Variants in TMOD4 observed in about 807,000 individuals in gnomAD.
TMOD4 encodes tropomodulin 4.
In TMOD4, 34 loss-of-function variants were observed where a neutral mutation model predicts 45.4. The observed-to-expected ratio is 0.75, with a 90% CI of 0.57 to 1.00. The LOEUF (loss-of-function observed/expected upper bound fraction) is 1.00, where lower values mean the gene tolerates loss of function less well. Among genes scored for constraint, TMOD4 ranks in the 50% least tolerant of loss-of-function variants. The pLI is 0.00. For synonymous variants in TMOD4, 131 were observed against 153.9 expected, an observed-to-expected ratio of 0.85 and a Z score of 1.10; for missense variants, 399 against 437.5, an observed-to-expected ratio of 0.91 and a Z score of 0.78.
chr1:151,171,874 C>A, intron 5 of TMOD4, 111 bp from the exon 6 acceptor site: 5 of 1,374,772 alleles, frequency 3.6e-6, no homozygotes, highest in Non-Finnish European at 4.8e-6. Context: ...CTCGCTCTAT[C>A]CACCTAGGCT....
rs983533989 is a variant in TMOD4 at position 151,173,583 on chromosome 1, G to A, written c.313C>T (p.Pro105Ser). The change falls in exon 4 of 10, where the codon CCA becomes TCA. Residue 105 changes from proline to serine, a missense_variant. Physicochemically the swap from Pro to Ser is moderately conservative, Grantham distance 74. Transcript: ENST00000295314. Reference protein sequence around the residue: ...KPYIQPKREIPAEEQITLEPE... With the variant: ...KPYIQPKREISAEEQITLEPE... ...TCCAGGGTGATCTGCTCCTCTGCTGGGATTTCCCTCTTGGGCTGAATATAG... is the reference window on the plus strand; with the variant it reads ...TCCAGGGTGATCTGCTCCTCTGCTGAGATTTCCCTCTTGGGCTGAATATAG... 28 of 1,614,060 alleles carry A rather than the reference G, an allele frequency of 1.7e-5. No individual in the cohort carries two copies. The highest frequency in any genetic ancestry group is 2.3e-5 in the Non-Finnish European group (27 of 1,180,030).
intron 1 of TMOD4, chr1:151,175,191 AC>A (rs1259761702): frequency 6.4e-6 from 2 of 313,126 alleles, no homozygotes; most frequent in Non-Finnish European, 1.2e-5. Flanking sequence ...TCCTGGCAGC[AC>A]CCCTCCCCTA....
Position 151,170,053 on chromosome 1 carries a change from G to T in TMOD4, c.*28C>A. 6.2e-7 allele frequency: 1 copy of T among 1,613,946 alleles called. No individual in the cohort carries two copies. ...AGGATTTAAGTGTCCAGTGCTCCCA[G>T]CGCTAGTTGGTAAAGGGAAATGCAG... On this transcript the variant is annotated 3_prime_UTR_variant, in exon 10 of 10. Coordinates refer to ENST00000295314, the MANE Select transcript of TMOD4 (RefSeq NM_013353.3).
In TMOD4 at chr1:151,174,777, GCA is replaced by G; in HGVS notation, c.97_98del (p.Cys33ArgfsTer8). ...LSPEELEQLD[C>X]ELQEMDPENM... ...CCTCAGGATCCATCTCCTGTAGTTC[GCA>G]GTCCAGCTGCTCTAGCTCCTCGGGG... On this transcript the variant is annotated frameshift_variant, in exon 2 of 10. Transcript: ENST00000295314. LOFTEE classifies it high-confidence loss of function. 6.2e-7 allele frequency: 1 copy of G among 1,613,962 alleles called. No individual in the cohort carries two copies. The highest frequency in any genetic ancestry group is 8.5e-7 in the Non-Finnish European group (1 of 1,180,012).
rs758867636 is a variant in TMOD4 at position 151,170,623 on chromosome 1, G to C, written c.911C>G (p.Thr304Ser). The C allele has an allele frequency of 2.5e-6, 4 of 1,614,188 alleles. No homozygotes were observed. The Admixed American group carries it at 6.7e-5, about 27-fold the overall frequency. Residue 304 changes from threonine (T) to serine (S), a missense_variant, in exon 9 of 10, where the codon ACC becomes AGC. Transcript: ENST00000295314. ...PGDAVEMEMA[T>S]VLEQCPSIVR... ...AATAGAGGGACACTGCTCTAGCACG[G>C]TGGCCATCTCCATCTCCACTGCATC...
chr1:151,175,763 TA>T (rs1471066238), intron 1 of TMOD4, 160 bp downstream of exon 1: 1 of 152,272 alleles, frequency 6.6e-6, no homozygotes, highest in Non-Finnish European at 1.5e-5. Context: ...ATCGACAATG[TA>T]AACTATACAC....
At position 151,170,091 on chromosome 1, in the gene TMOD4, T is replaced by C; in HGVS notation, c.1028A>G (p.Lys343Arg). The C allele has an allele frequency of 3.1e-6, 5 of 1,614,206 alleles. No homozygotes were observed. Among genetic ancestry groups the C allele is most frequent in the Non-Finnish European group, 4.2e-6 (5 of 1,180,030 alleles). The change falls in exon 10 of 10, where the codon AAG becomes AGG. Residue 343 changes from lysine (K) to arginine (R), a missense_variant. Lys to Arg is a conservative substitution (Grantham distance 26, BLOSUM62 2). Coordinates refer to ENST00000295314, the MANE Select transcript of TMOD4 (RefSeq NM_013353.3). ...AAGGGAAATGCAGTGTTATCTCTTC[T>C]TTTGCTGGCGACCTGTAAAGGAGCA... is the stretch of plus-strand genomic sequence containing the variant. ...TRNNELRRQQ[K>R]KR
chr1:151,171,309 C>T, intron 7 of TMOD4, 124 bp downstream of exon 7: 1 of 935,054 alleles, frequency 1.1e-6, no homozygotes, highest in South Asian at 1.5e-5. Context: ...GTAGGAGTCT[C>T]CATGAGGGCT....
Position 151,173,583 on chromosome 1 carries a change from G to T in TMOD4, c.313C>A (p.Pro105Thr), listed in dbSNP as rs983533989. ...KPYIQPKREI[P>T]AEEQITLEPE... ...TCCAGGGTGATCTGCTCCTCTGCTG[G>T]GATTTCCCTCTTGGGCTGAATATAG... The change falls in exon 4 of 10, where the codon CCA (proline) becomes ACA (threonine). Residue 105 changes from proline to threonine, a missense_variant. Coordinates refer to ENST00000295314, the MANE Select transcript of TMOD4 (RefSeq NM_013353.3). 6.2e-7 allele frequency: 1 copy of T among 1,614,178 alleles called. No individual in the cohort carries two copies. Among genetic ancestry groups the T allele is most frequent in the East Asian group, 2.2e-5 (1 of 44,870 alleles).
chr1:151,172,460 CT>C, intron 4 of TMOD4, 103 bp from the exon 5 acceptor site: 1 of 908,472 alleles, frequency 1.1e-6, no homozygotes, highest in Non-Finnish European at 1.7e-6. Flanking sequence ...AGCCTGACCA[CT>C]TACACTTTGC....
intron 4 of TMOD4, 69 bp from the exon 5 acceptor site, chr1:151,172,426 T>G (rs1683990451): frequency 8.0e-7 from 1 of 1,247,644 alleles, no homozygotes; most frequent in South Asian, 1.2e-5. Context: ...CTCCTACCTA[T>G]TTCTGAATCT....
intron 9 of TMOD4, 90 bp from the exon 10 acceptor site, chr1:151,170,193 C>T: frequency 1.3e-6 from 2 of 1,515,690 alleles, no homozygotes; most frequent in Non-Finnish European, 1.8e-6. Flanking sequence ...CTTAGCCAAA[C>T]TCATAAATTG....
intron 3 of TMOD4, 139 bp downstream of exon 3, chr1:151,174,252 G>T: frequency 1.2e-6 from 1 of 864,850 alleles, no homozygotes; most frequent in Non-Finnish European, 1.8e-6. Context: ...AAGAGTGCAA[G>T]CTCGCATTTA....
rs141176893 is a variant in TMOD4 at position 151,170,621 on chromosome 1, C to T, written c.913G>A (p.Val305Met). The change falls in exon 9 of 10, where the codon GTG becomes ATG. Residue 305 changes from valine to methionine, a missense_variant. Val to Met is a conservative substitution (Grantham distance 21, BLOSUM62 1). Coordinates refer to ENST00000295314, the MANE Select transcript of TMOD4 (RefSeq NM_013353.3). The stretch of plus-strand genomic sequence containing the variant: ...ACAATAGAGGGACACTGCTCTAGCA[C>T]GGTGGCCATCTCCATCTCCACTGCA... Reference protein sequence around the residue: ...GDAVEMEMATVLEQCPSIVRF... With the variant: ...GDAVEMEMATMLEQCPSIVRF... 5.0e-5 allele frequency: 80 copies of T among 1,614,064 alleles called. No homozygotes were observed. The South Asian group carries it at 5.7e-4, about 12-fold the overall frequency.
intron 4 of TMOD4, 24 bp downstream of exon 4, chr1:151,173,475 C>T: frequency 6.3e-7 from 1 of 1,593,064 alleles, no homozygotes. Context: ...ATCCTCTCAC[C>T]CTCAACTTCC....
At chr1:151,174,327 G>C (rs1684040234) in intron 3 of TMOD4, 64 bp downstream of exon 3, 1 of 1,560,094 alleles carries the variant, frequency 6.4e-7, no homozygotes, top group East Asian at 2.3e-5. Context: ...ACTGGAGTGG[G>C]GACGAGTGAG....
Position 151,170,579 on chromosome 1 carries a change from A to C in TMOD4, c.955T>G (p.Phe319Val). 6.2e-7 allele frequency: 1 copy of C among 1,614,184 alleles called. No homozygotes were observed. The highest frequency in any genetic ancestry group is 1.1e-5 in the South Asian group (1 of 91,090). The change falls in exon 9 of 10, where the codon TTT (phenylalanine) becomes GTT (valine). Residue 319 changes from phenylalanine to valine, a missense_variant. Coordinates refer to ENST00000295314, the MANE Select transcript of TMOD4 (RefSeq NM_013353.3). ...CPSIVRFGYH[F>V]TQQGPRARAA... ...CGAGCTCGTGGCCCCTGCTGTGTAA[A>C]GTGGTAGCCAAAGCGGACAATAGAG...
chr1:151,172,341 G>C lies in TMOD4; in HGVS notation c.414C>G (p.Tyr138Ter), dbSNP rs1683987339. 7 of 1,613,428 alleles carry C rather than the reference G, an allele frequency of 4.3e-6. No individual in the cohort carries two copies. The highest frequency in any genetic ancestry group is 5.1e-6 in the Non-Finnish European group (6 of 1,179,568). Residue 138 changes from tyrosine to a stop codon, truncating the protein, a stop_gained, in exon 5 of 10, where the codon TAC becomes TAG. Coordinates refer to ENST00000295314, the MANE Select transcript of TMOD4 (RefSeq NM_013353.3). LOFTEE classifies it high-confidence loss of function. Reference protein sequence around the residue: ...MCDIAAILDMYTLMSNKQYYD... With the variant: ...MCDIAAILDM ...AGTATTGCTTGTTACTCATCAGTGT[G>C]TACATGTCCAGAATTGCTGGAGAGG...
Position 151,171,671 on chromosome 1 carries a change from C to T in TMOD4, c.580G>A (p.Asp194Asn), listed in dbSNP as rs1391709034. The T allele has an allele frequency of 6.2e-7, 1 of 1,614,100 alleles. No individual in the cohort carries two copies. Among genetic ancestry groups the T allele is most frequent in the African/African-American group, 1.3e-5 (1 of 75,010 alleles). The change falls in exon 6 of 10, where the codon GAC (aspartate) becomes AAC (asparagine). Residue 194 changes from aspartate (D) to asparagine (N), a missense_variant. Asp to Asn is a conservative substitution (Grantham distance 23, BLOSUM62 1). Coordinates refer to ENST00000295314, the MANE Select transcript of TMOD4 (RefSeq NM_013353.3). Reference sequence around the variant, plus strand: ...AAGTTCACCTCCTCCAGCTCCTTGTCATTGCTTCGGACCCTCTTTAGTATC... The same window carrying T: ...AAGTTCACCTCCTCCAGCTCCTTGTTATTGCTTCGGACCCTCTTTAGTATC... ...EEILKRVRSN[D>N]KELEEVNLNN...
Sources: allele counts gnomAD v4.1 joint callset, GRCh38; gene constraint gnomAD v4.1.1; transcripts MANE v1.5; gene names NCBI Gene and HGNC (gene_info 2026-07-23, HGNC 2026-07-21).